Variants in SLC24A3 observed in about 807,000 individuals in gnomAD.
SLC24A3 encodes sodium/potassium/calcium exchanger 3.
A neutral mutation model predicts 75.8 loss-of-function variants in SLC24A3; 28 were observed. The observed-to-expected ratio is 0.37, with a 90% CI of 0.27 to 0.51. The LOEUF is 0.51. SLC24A3 is among the 20% of genes least tolerant of loss of function. The pLI is 0.94. For missense variants in SLC24A3, 663 were observed against 847.8 expected (o/e 0.78, Z 2.71); for synonymous variants, 372 against 334.1 (o/e 1.11, Z -1.24).
intron 3 of SLC24A3, among the ~76,000 whole-genome samples, chr20:19,549,581 C>T (rs1434523409): frequency 6.6e-6 from 1 of 152,152 alleles, no homozygotes; most frequent in Admixed American, 6.5e-5. Context: ...GTCAGGAGTT[C>T]AAAACCAGCT....
chr20:19,234,126 G>A lies in SLC24A3; in HGVS notation c.142+21142G>A, dbSNP rs113022050. ...CAGAGCCATTGAGATTGCACAGCTC[G>A]GATTTCTTCTGCATGTCATAAATTT... On this transcript the variant is annotated intron_variant, in intron 1 of 16. Coordinates refer to ENST00000328041, the MANE Select transcript of SLC24A3 (RefSeq NM_020689.4). Among the ~76,000 whole-genome samples the A allele has an allele frequency of 9.0e-3, 1,368 of 152,262 alleles. 20 individuals carry two copies. Among genetic ancestry groups the A allele is most frequent in the African/African-American group, 0.03 (1,247 of 41,546 alleles).
chr20:19,646,077 G>A (rs1412850403), intron 6 of SLC24A3, among the ~76,000 whole-genome samples: 1 of 151,994 alleles, frequency 6.6e-6, no homozygotes, highest in Non-Finnish European at 1.5e-5. Context: ...AATATATAGT[G>A]GTTAATATCC....
intron 1 of SLC24A3, among the ~76,000 whole-genome samples, chr20:19,252,643 C>CCGGGGG (rs113050087): frequency 7.5e-6 from 1 of 133,364 alleles, no homozygotes; most frequent in Non-Finnish European, 1.7e-5. Flanking sequence ...ATTGGAATGG[C>CCGGGGG]GGGGGGGGGT....
chr20:19,458,157 GATGGCTTCA>G (rs1987610761), intron 2 of SLC24A3, among the ~76,000 whole-genome samples: 1 of 151,982 alleles, frequency 6.6e-6, no homozygotes, highest in Admixed American at 6.6e-5. Flanking sequence ...CTGCAAAAAA[GATGGCTTCA>G]AGCTCCCCCC....
In SLC24A3 at chr20:19,212,934, C is replaced by A; in HGVS notation, c.92C>A (p.Ala31Asp). 1 of 1,349,322 alleles carries A rather than the reference C, an allele frequency of 7.4e-7. No homozygotes were observed. Among genetic ancestry groups the A allele is most frequent in the South Asian group, 2.1e-5 (1 of 47,274 alleles). 83.6% of individuals were successfully genotyped at this position (1,349,322 alleles called of 1,614,324 possible). ...CTGCTGAGCCAGCTCTGCTTCCTGG[C>A]CTCGGTGGCGCTGCTGCTCTGGTCG... Reference protein sequence around the residue: ...DLLLSQLCFLASVALLLWSLS... With the variant: ...DLLLSQLCFLDSVALLLWSLS... The change falls in exon 1 of 17, where the codon GCC becomes GAC. Residue 31 changes from alanine to aspartate, a missense_variant. Transcript: ENST00000328041.
At chr20:19,482,764 T>C (rs1988076738) in intron 2 of SLC24A3, among the ~76,000 whole-genome samples, 1 of 152,246 alleles carries the variant, frequency 6.6e-6, no homozygotes, top group Non-Finnish European at 1.5e-5. Flanking sequence ...AGAACCCTTC[T>C]GCTGAGATTG....
chr20:19,657,054 C>T (rs912470130), intron 7 of SLC24A3, among the ~76,000 whole-genome samples: 11 of 152,170 alleles, frequency 7.2e-5, no homozygotes, highest in Admixed American at 1.3e-4. Context: ...TAGCTGAACA[C>T]GCAGGCTGCC....
intron 2 of SLC24A3, among the ~76,000 whole-genome samples, chr20:19,282,645 T>A (rs1464738328): frequency 2.0e-5 from 3 of 152,278 alleles, no homozygotes; most frequent in Non-Finnish European, 4.4e-5. Context: ...CTAATTAGGA[T>A]TAATCAGCTA....
intron 2 of SLC24A3, among the ~76,000 whole-genome samples, chr20:19,455,171 G>A (rs1324122056): frequency 6.6e-6 from 1 of 152,210 alleles, no homozygotes; most frequent in Non-Finnish European, 1.5e-5. Flanking sequence ...AACAGATCCT[G>A]TGAGCAAAAG....
At chr20:19,453,805 G>A (rs940575720) in intron 2 of SLC24A3, among the ~76,000 whole-genome samples, 1 of 152,206 alleles carries the variant, frequency 6.6e-6, no homozygotes, top group Non-Finnish European at 1.5e-5. Flanking sequence ...CACTTGCAGG[G>A]CCTGCCCACT....
At chr20:19,332,119 GC>G (rs1885099726) in intron 2 of SLC24A3, among the ~76,000 whole-genome samples, 1 of 152,242 alleles carries the variant, frequency 6.6e-6, no homozygotes, top group Non-Finnish European at 1.5e-5. Context: ...GGTCTTGTCT[GC>G]CATGGTAAGG....
intron 6 of SLC24A3, among the ~76,000 whole-genome samples, chr20:19,598,692 C>T (rs933714414): frequency 2.0e-5 from 3 of 152,018 alleles, no homozygotes; most frequent in South Asian, 2.1e-4. Flanking sequence ...GGACTCAAGG[C>T]GTGGGTACAG....
chr20:19,392,377 C>T (rs903533682), intron 2 of SLC24A3, among the ~76,000 whole-genome samples: 5 of 152,164 alleles, frequency 3.3e-5, no homozygotes, highest in African/African-American at 1.2e-4. Context: ...ATTAGCGTTT[C>T]TTGAGAGTGG....
At chr20:19,637,932 T>C (rs1054845351) in intron 6 of SLC24A3, among the ~76,000 whole-genome samples, 2 of 152,218 alleles carry the variant, frequency 1.3e-5, no homozygotes, top group Non-Finnish European at 2.9e-5. Flanking sequence ...CAGGACATAA[T>C]ATAAATTAGC....
At chr20:19,471,013 C>T (rs768195347) in intron 2 of SLC24A3, among the ~76,000 whole-genome samples, 4 of 152,200 alleles carry the variant, frequency 2.6e-5, no homozygotes, top group Admixed American at 6.5e-5. Context: ...ATCTAAGATT[C>T]AAGCCAGCAG....
chr20:19,579,206 G>A (rs1414394180), intron 3 of SLC24A3, among the ~76,000 whole-genome samples: 1 of 152,090 alleles, frequency 6.6e-6, no homozygotes, highest in Non-Finnish European at 1.5e-5. Flanking sequence ...GTGGGAGAAG[G>A]ATGTTGAGTG....
chr20:19,281,889 G>A (rs1024965707), intron 2 of SLC24A3, among the ~76,000 whole-genome samples: 1 of 152,126 alleles, frequency 6.6e-6, no homozygotes, highest in African/African-American at 2.4e-5. Context: ...CTCACAGGTT[G>A]TACCAAAACA....
At chr20:19,632,155 CTG>C (rs970890609) in intron 6 of SLC24A3, among the ~76,000 whole-genome samples, 9 of 152,184 alleles carry the variant, frequency 5.9e-5, no homozygotes, top group African/African-American at 1.9e-4. Flanking sequence ...AGAACACTAA[CTG>C]TGCATGGAGT....
chr20:19,279,404 G>A (rs1367486416), intron 1 of SLC24A3, among the ~76,000 whole-genome samples: 1 of 152,200 alleles, frequency 6.6e-6, no homozygotes, highest in African/African-American at 2.4e-5. Context: ...CTTACTGTCT[G>A]TGTCTCCCCA....
Sources: allele counts gnomAD v4.1 joint callset (sites outside exome capture counted in the v4.1 genomes callset), GRCh38; gene constraint gnomAD v4.1.1; transcripts MANE v1.5; gene names NCBI Gene and HGNC (gene_info 2026-07-23, HGNC 2026-07-21).